SKOR1: variants seen among roughly 807,000 people sequenced by gnomAD.
SKOR1 encodes LBX1 corepressor 1.
Under a neutral mutation model 72.4 loss-of-function variants are expected in SKOR1, and 38 were observed. The observed-to-expected ratio is 0.52, with a 90% CI of 0.40 to 0.69. The LOEUF (loss-of-function observed/expected upper bound fraction) is 0.69, where lower values mean the gene tolerates loss of function less well. Ranked by LOEUF, SKOR1 falls within the 30% of genes least tolerant of loss-of-function variation. SKOR1 has a pLI of 0.00. For missense variants in SKOR1, 1,320 were observed against 1,343.2 expected (o/e 0.98, Z 0.27); for synonymous variants, 642 against 599.4 (o/e 1.07, Z -1.04).
chr15:67,829,390 G>T lies in SKOR1; in HGVS notation c.2407+121G>T, dbSNP rs934906002. ...ACGCAGAGAAAGAGGGAGAGGGAAA[G>T]AAAAATAATGAAAACAAGGAAGCTA... is the stretch of plus-strand genomic sequence containing the variant. On this transcript the variant is annotated intron_variant, in intron 3 of 8. Transcript: ENST00000380035. 15 of 817,964 alleles carry T rather than the reference G, an allele frequency of 1.8e-5. 1 individual carries two copies. Among genetic ancestry groups the T allele is most frequent in the African/African-American group, 1.7e-4 (10 of 57,880 alleles). The allele number at this position is 817,964 out of a possible 1,614,324, so 50.7% of individuals were successfully genotyped here.
chr15:67,833,676 G>T lies in SKOR1; in HGVS notation c.2804-66G>T. 1 of 1,516,006 alleles carries T rather than the reference G, an allele frequency of 6.6e-7. No individual in the cohort carries two copies. The highest frequency in any genetic ancestry group is 9.1e-7 in the Non-Finnish European group (1 of 1,093,420). 93.9% of individuals were successfully genotyped at this position (1,516,006 alleles called of 1,614,324 possible). A position where few individuals can be genotyped will look rare whatever the true frequency, so the allele number is the denominator to read the frequency against. ...GTTGGTAAGGCCGGGGAGGGGAAAG[G>T]GTGGACTGCGCGGTGAGGTGAGCCT... On this transcript the variant is annotated intron_variant, in intron 8 of 8. Coordinates refer to ENST00000380035, the MANE Select transcript of SKOR1 (RefSeq NM_001365915.1). This position sits in a 1 kb window ranked among gnomAD's most constrained non-coding sequence, Gnocchi z 6.0.
At position 67,832,549 on chromosome 15, in the gene SKOR1, A is replaced by G; in HGVS notation, c.2663-58A>G. 6.6e-7 allele frequency: 1 copy of G among 1,522,100 alleles called. No individual in the cohort carries two copies. The allele number at this position is 1,522,100 out of a possible 1,614,324, so 94.3% of individuals were successfully genotyped here. The stretch of plus-strand genomic sequence containing the variant: ...GTGAAAGGGGGGGCCAGGAGTGAGA[A>G]AGTGGAGCCGGGAGAGGGGGCTGTG... On this transcript the variant is annotated intron_variant, in intron 6 of 8. Coordinates refer to ENST00000380035, the MANE Select transcript of SKOR1 (RefSeq NM_001365915.1). This position sits in a 1 kb window ranked among gnomAD's most constrained non-coding sequence, Gnocchi z 4.5.
rs2091013614 is a variant in SKOR1 at position 67,832,205 on chromosome 15, G to A, written c.2588-69G>A. 3 of 1,488,150 alleles carry A rather than the reference G, an allele frequency of 2.0e-6. No homozygotes were observed. The Admixed American group carries it at 5.1e-5, about 25-fold the overall frequency. The allele number at this position is 1,488,150 out of a possible 1,614,324, so 92.2% of individuals were successfully genotyped here. A position where few individuals can be genotyped will look rare whatever the true frequency, so the allele number is the denominator to read the frequency against. ...CTCTCCTTTCAGGGTTGTTGGCCAA[G>A]GCAGAACCTGAGCTCCAAATAACCC... On this transcript the variant is annotated intron_variant, in intron 5 of 8. Coordinates refer to ENST00000380035, the MANE Select transcript of SKOR1 (RefSeq NM_001365915.1). The surrounding 1 kb of genome is among the most constrained non-coding windows in gnomAD (Gnocchi z 4.5).
At chr15:67,829,952 C>T (rs1215412850) in intron 3 of SKOR1, among the ~76,000 whole-genome samples, 2 of 152,172 alleles carry the variant, frequency 1.3e-5, no homozygotes, top group African/African-American at 4.8e-5. Context: ...GGCTGCTCGC[C>T]TAGCTCTTTT....
Position 67,825,803 on chromosome 15 carries a change from G to A in SKOR1, c.107+94G>A. 22 of 1,510,476 alleles carry A rather than the reference G, an allele frequency of 1.5e-5. No homozygotes were observed. The highest frequency in any genetic ancestry group is 2.0e-5 in the Non-Finnish European group (22 of 1,109,676). The allele number at this position is 1,510,476 out of a possible 1,614,324, so 93.6% of individuals were successfully genotyped here. On this transcript the variant is annotated intron_variant, in intron 1 of 8. Transcript: ENST00000380035. The surrounding 1 kb of genome is among the most constrained non-coding windows in gnomAD (Gnocchi z 5.6). ...GTAACAAAAGACGCCTGTCCAGGGG[G>A]TGAATGAGTTTGGACTCCCCACTGC...
At position 67,833,893 on chromosome 15, in the gene SKOR1, G is replaced by T; in HGVS notation, c.*57G>T. On this transcript the variant is annotated 3_prime_UTR_variant, in exon 9 of 9. Coordinates refer to ENST00000380035, the MANE Select transcript of SKOR1 (RefSeq NM_001365915.1). The surrounding 1 kb of genome is among the most constrained non-coding windows in gnomAD (Gnocchi z 6.0). ...GCCATGCTGCTCCTTGTAAATACCCGCTGCTGCGGTGGCCCTGAGCGAGGA... is the reference window on the plus strand; with the variant it reads ...GCCATGCTGCTCCTTGTAAATACCCTCTGCTGCGGTGGCCCTGAGCGAGGA... 6.5e-7 allele frequency: 1 copy of T among 1,546,488 alleles called. No individual in the cohort carries two copies. The highest frequency in any genetic ancestry group is 8.8e-7 in the Non-Finnish European group (1 of 1,130,630).
chr15:67,830,911 A>G (rs556286613), intron 5 of SKOR1, 22 bp downstream of exon 5: 13 of 1,610,446 alleles, frequency 8.1e-6, no homozygotes, highest in Non-Finnish European at 1.0e-5. Flanking sequence ...TTTGTGAAAA[A>G]GGTGTACGCT....
At position 67,833,372 on chromosome 15, in the gene SKOR1, C is replaced by T; in HGVS notation, c.2803+115C>T. 1 of 1,096,754 alleles carries T rather than the reference C, an allele frequency of 9.1e-7. No homozygotes were observed. The highest frequency in any genetic ancestry group is 1.5e-5 in the African/African-American group (1 of 64,644). The allele number at this position is 1,096,754 out of a possible 1,614,324, so 67.9% of individuals were successfully genotyped here. A position where few individuals can be genotyped will look rare whatever the true frequency, so the allele number is the denominator to read the frequency against. On this transcript the variant is annotated intron_variant, in intron 8 of 8. Transcript: ENST00000380035. The surrounding 1 kb of genome is among the most constrained non-coding windows in gnomAD (Gnocchi z 6.0). ...GGCCACGATCCACGTGGATCAGGAT[C>T]TGTGAGGGAGAAAAGTGGGAACTGA...
chr15:67,827,883 AG>A lies in SKOR1; in HGVS notation c.2060del (p.Gly687AlafsTer79). ...AGACCGAGCCCAGCGCACCCAGCGC[AG>A]GGGGCGGCCCAGACGGTGAACAGCC... ...EETEPSAPSA[G>X]GGPDGEQPTG... On this transcript the variant is annotated frameshift_variant, in exon 2 of 9. Transcript: ENST00000380035. LOFTEE classifies it high-confidence loss of function. The A allele has an allele frequency of 6.2e-7, 1 of 1,600,602 alleles. No homozygotes were observed. Among genetic ancestry groups the A allele is most frequent in the Non-Finnish European group, 8.5e-7 (1 of 1,174,558 alleles).
Position 67,830,840 on chromosome 15 carries a change from T to C in SKOR1, c.2538T>C (p.Asp846=), listed in dbSNP as rs1436144588. The change falls in exon 5 of 9, where the codon GAT becomes GAC. Residue 846 remains aspartate (D), a synonymous_variant. Transcript: ENST00000380035. ...CAGGCGAAGATGGGCTTACCTTGGA[T>C]GTCACAGGAACTCATTTGGTGGAGA... ...TDRGEDGLTL[D]VTGTHLVEKD... The C allele has an allele frequency of 1.9e-6, 3 of 1,614,100 alleles. No individual in the cohort carries two copies. The highest frequency in any genetic ancestry group is 3.3e-5 in the Admixed American group (2 of 60,014).
Position 67,825,948 on chromosome 15 carries a change from G to A in SKOR1, c.120G>A (p.Met40Ile). The change falls in exon 2 of 9, where the codon ATG becomes ATA. Residue 40 changes from methionine to isoleucine, a missense_variant. Met to Ile is a conservative substitution (Grantham distance 10). Around this residue, in one of 3 missense-constraint regions of SKOR1, gnomAD observed 120 missense variants for 104.9 expected, o/e 1.14. Transcript: ENST00000380035. The surrounding 1 kb of genome is among the most constrained non-coding windows in gnomAD (Gnocchi z 5.6). ...CTCTATTTCGCAGGAGCGGCGGCAT[G>A]GAGGCTCTCACCACTCAGCTGGGGC... is the stretch of plus-strand genomic sequence containing the variant. ...AARAFLRSGG[M>I]EALTTQLGPG... 1 of 1,516,798 alleles carries A rather than the reference G, an allele frequency of 6.6e-7. No homozygotes were observed. The highest frequency in any genetic ancestry group is 8.8e-7 in the Non-Finnish European group (1 of 1,134,956). The allele number at this position is 1,516,798 out of a possible 1,614,324, so 94.0% of individuals were successfully genotyped here.
chr15:67,827,385 G>A lies in SKOR1; in HGVS notation c.1557G>A (p.Ala519=). The A allele has an allele frequency of 1.3e-6, 2 of 1,550,762 alleles. No homozygotes were observed. Among genetic ancestry groups the A allele is most frequent in the East Asian group, 2.4e-5 (1 of 41,502 alleles). ...AGGCCGTGGCGGCAGCCGTGGCGGC[G>A]GCAGCGGCGGCGGCAGCGGCAGCTG... ...QAKAVAAAVA[A]AAAAAAAAAG... is the part of the protein sequence containing the mutation. The change falls in exon 2 of 9, where the codon GCG becomes GCA. Residue 519 remains alanine (A), a synonymous_variant. Transcript: ENST00000380035.
rs772980551 is a variant in SKOR1, at chr15:67,826,189, G to A, written c.361G>A (p.Val121Met). 3 of 1,613,268 alleles carry A rather than the reference G, an allele frequency of 1.9e-6. No individual in the cohort carries two copies. In the Admixed American group the frequency reaches 5.0e-5, roughly 27 times the overall value. ...YSYNEIHNRR[V>M]ALGITCVQCT... ...CTATAATGAGATCCACAACCGCCGC[G>A]TGGCCCTGGGCATCACGTGCGTGCA... The change falls in exon 2 of 9, where the codon GTG (valine) becomes ATG (methionine). Residue 121 changes from valine to methionine, a missense_variant. By Grantham distance (21) the Val-to-Met change is conservative. This residue lies in a region of SKOR1 where 101 missense variants were observed against 212.8 expected (regional missense o/e 0.47). Coordinates refer to ENST00000380035, the MANE Select transcript of SKOR1 (RefSeq NM_001365915.1).
At position 67,830,720 on chromosome 15, in the gene SKOR1, G is replaced by A; in HGVS notation, c.2516-98G>A. 3.6e-6 allele frequency: 4 copies of A among 1,120,322 alleles called. 1 individual carries two copies. The South Asian group carries it at 3.7e-5, about 10-fold the overall frequency. The allele number at this position is 1,120,322 out of a possible 1,614,324, so 69.4% of individuals were successfully genotyped here. ...CTCCTCTAAAGGCAGAAGGTCTAGG[G>A]TAGGTCCCTGATTCGATGTGGTTCC... is the stretch of plus-strand genomic sequence containing the variant. On this transcript the variant is annotated intron_variant, in intron 4 of 8. Coordinates refer to ENST00000380035, the MANE Select transcript of SKOR1 (RefSeq NM_001365915.1).
rs769434859 is a variant in SKOR1 at position 67,826,061 on chromosome 15, G to T, written c.233G>T (p.Gly78Val). The T allele has an allele frequency of 1.0e-5, 16 of 1,591,560 alleles. No individual in the cohort carries two copies. The highest frequency in any genetic ancestry group is 1.4e-5 in the Non-Finnish European group (16 of 1,165,092). Residue 78 changes from glycine (G) to valine (V), a missense_variant, in exon 2 of 9, where the codon GGC becomes GTC. Physicochemically the swap from Gly to Val is moderately radical, Grantham distance 109. Transcript: ENST00000380035. ...GSSALKPNQV[G>V]ETSLYGVPIV... Reference sequence around the variant, plus strand: ...AGCGCTCTCAAACCCAACCAGGTGGGCGAGACGTCGCTGTACGGGGTGCCC... The same window carrying T: ...AGCGCTCTCAAACCCAACCAGGTGGTCGAGACGTCGCTGTACGGGGTGCCC...
At position 67,826,700 on chromosome 15, in the gene SKOR1, A is replaced by G. The variant is rs1223667421; in HGVS notation, c.872A>G (p.Asn291Ser). 25 of 1,435,652 alleles carry G rather than the reference A, an allele frequency of 1.7e-5. No homozygotes were observed. Among genetic ancestry groups the G allele is most frequent in the Non-Finnish European group, 2.0e-5 (21 of 1,044,320 alleles). 88.9% of individuals were successfully genotyped at this position (1,435,652 alleles called of 1,614,324 possible). A position where few individuals can be genotyped will look rare whatever the true frequency, so the allele number is the denominator to read the frequency against. The change falls in exon 2 of 9, where the codon AAT becomes AGT. Residue 291 changes from asparagine to serine, a missense_variant. Physicochemically the swap from Asn to Ser is conservative, Grantham distance 46. Around this residue, in one of 3 missense-constraint regions of SKOR1, gnomAD observed 1,099 missense variants for 1,025.5 expected, o/e 1.07. Coordinates refer to ENST00000380035, the MANE Select transcript of SKOR1 (RefSeq NM_001365915.1). Reference sequence around the variant, plus strand: ...CAAGGAGGCGGCGGAGGCGGTGCCAATGGCGGGTCGGGTGGGCAGGGGAAG... The same window carrying G: ...CAAGGAGGCGGCGGAGGCGGTGCCAGTGGCGGGTCGGGTGGGCAGGGGAAG... ...SLQGGGGGGA[N>S]GGSGGQGKGG...
Position 67,826,034 on chromosome 15 carries a change from C to G in SKOR1, c.206C>G (p.Ser69Cys). 1 of 1,574,674 alleles carries G rather than the reference C, an allele frequency of 6.4e-7. No homozygotes were observed. The highest frequency in any genetic ancestry group is 8.6e-7 in the Non-Finnish European group (1 of 1,156,570). ...SKQELQPYSGSSALKPNQVGE... is the reference protein window; with the variant it reads ...SKQELQPYSGCSALKPNQVGE... ...CAGGAGCTGCAGCCGTACTCGGGCT[C>G]CAGCGCTCTCAAACCCAACCAGGTG... The change falls in exon 2 of 9, where the codon TCC becomes TGC. Residue 69 changes from serine (S) to cysteine (C), a missense_variant. Physicochemically the swap from Ser to Cys is moderately radical, Grantham distance 112. Transcript: ENST00000380035.
Position 67,827,046 on chromosome 15 carries a change from C to G in SKOR1, c.1218C>G (p.Cys406Trp). Residue 406 changes from cysteine to tryptophan, a missense_variant, in exon 2 of 9, where the codon TGC becomes TGG. By Grantham distance (215) the Cys-to-Trp change is radical (BLOSUM62 -2). This residue lies in a region of SKOR1 where 1,099 missense variants were observed against 1,025.5 expected (regional missense o/e 1.07). Transcript: ENST00000380035. The part of the protein sequence containing the change: ...PYGFPTAFGL[C>W]PKKDDPVLGA... ...GCTTCCCTACGGCCTTCGGCCTATG[C>G]CCCAAAAAGGACGACCCGGTTTTAG... 1 of 1,560,822 alleles carries G rather than the reference C, an allele frequency of 6.4e-7. No individual in the cohort carries two copies. The highest frequency in any genetic ancestry group is 8.6e-7 in the Non-Finnish European group (1 of 1,161,246).
Position 67,830,207 on chromosome 15 carries a change from C to A in SKOR1, c.2424C>A (p.Asp808Glu), listed in dbSNP as rs1235380228. The change falls in exon 4 of 9, where the codon GAC becomes GAA. Residue 808 changes from aspartate (D) to glutamate (E), a missense_variant. Physicochemically the swap from Asp to Glu is conservative, Grantham distance 45. This residue lies in a region of SKOR1 where 1,099 missense variants were observed against 1,025.5 expected (regional missense o/e 1.07). Coordinates refer to ENST00000380035, the MANE Select transcript of SKOR1 (RefSeq NM_001365915.1). The part of the protein sequence containing the change: ...TPEAHEPDKE[D>E]NHSPADDLET... ...GCCTTCAAGAGCCAGATAAGGAAGA[C>A]AATCACTCGCCCGCCGATGATTTGG... 6.2e-7 allele frequency: 1 copy of A among 1,614,052 alleles called. No individual in the cohort carries two copies. The highest frequency in any genetic ancestry group is 1.3e-5 in the African/African-American group (1 of 74,950).
Sources: gnomAD v4.1 joint callset for allele counts (sites outside exome capture counted in the v4.1 genomes callset) on GRCh38, gnomAD v4.1.1 for gene constraint, gnomAD v4.1.1 regional missense constraint, Gnocchi (gnomAD v3.1) non-coding constraint, MANE v1.5 for transcripts, NCBI Gene and HGNC (gene_info 2026-07-23, HGNC 2026-07-21) for gene names.